Variants in CDH23 observed in about 807,000 individuals in gnomAD.
The protein encoded by CDH23 is cadherin related 23.
Under a neutral mutation model 317.1 loss-of-function variants are expected in CDH23, and 189 were observed. That is an observed-to-expected ratio of 0.60 (90% CI 0.53 to 0.67). CDH23 has a LOEUF of 0.67. Ranked by LOEUF, CDH23 falls within the 30% of genes least tolerant of loss-of-function variation. The pLI, the probability that CDH23 is intolerant of heterozygous loss-of-function variation, is 0.00. For missense variants in CDH23, 4,401 were observed against 4,592.4 expected (o/e 0.96, Z 1.20); for synonymous variants, 1,839 against 1,876.8 (o/e 0.98, Z 0.52).
At chr10:71,791,644 C>T (rs914633190) in intron 47 of CDH23, among the ~76,000 whole-genome samples, 10 of 151,422 alleles carry the variant, frequency 6.6e-5, no homozygotes, top group African/African-American at 2.2e-4. Flanking sequence ...GGCACAATCT[C>T]GGCTCACTGC....
chr10:71,425,177 G>A (rs1463887829), intron 1 of CDH23, among the ~76,000 whole-genome samples: 1 of 150,442 alleles, frequency 6.6e-6, no homozygotes, highest in Non-Finnish European at 1.5e-5. Flanking sequence ...GTGGGTGAGG[G>A]TGGAAGGGGA....
intron 11 of CDH23, among the ~76,000 whole-genome samples, chr10:71,618,094 T>G (rs1243540869): frequency 6.6e-6 from 1 of 152,216 alleles, no homozygotes; most frequent in African/African-American, 2.4e-5. Context: ...TTTGCTCCTG[T>G]TCAAATAATG....
intron 6 of CDH23, among the ~76,000 whole-genome samples, chr10:71,515,384 TCTCTCTCTCTCACACA>T (rs1854241217): frequency 1.6e-5 from 2 of 126,938 alleles, no homozygotes; most frequent in African/African-American, 7.1e-5. Flanking sequence ...TCTCTCTCTC[TCTCTCTCTCTCACACA>T]CACACACACA....
intron 2 of CDH23, among the ~76,000 whole-genome samples, chr10:71,444,257 T>C (rs72812378): frequency 1.7e-3 from 264 of 152,394 alleles, no homozygotes; most frequent in Non-Finnish European, 2.8e-3. Flanking sequence ...GCTTTATGTA[T>C]GTAATCTCAT....
intron 6 of CDH23, among the ~76,000 whole-genome samples, chr10:71,514,758 T>C (rs1332099972): frequency 6.6e-6 from 1 of 151,790 alleles, no homozygotes; most frequent in Non-Finnish European, 1.5e-5. Context: ...TTCAAGTCCA[T>C]AAAGAAAAGG....
chr10:71,669,857 C>T (rs1343173356), intron 14 of CDH23, among the ~76,000 whole-genome samples: 1 of 149,226 alleles, frequency 6.7e-6, no homozygotes, highest in Non-Finnish European at 1.5e-5. Context: ...ATTACTAGGC[C>T]GGGCAAGGTG....
chr10:71,755,460 G>C, intron 38 of CDH23: 1 of 1,610,492 alleles, frequency 6.2e-7, no homozygotes, highest in Non-Finnish European at 8.5e-7. Flanking sequence ...GGCTGCAGCC[G>C]TGATGTCTGA....
intron 14 of CDH23, among the ~76,000 whole-genome samples, chr10:71,667,144 A>C (rs1279951785): frequency 6.6e-6 from 1 of 152,216 alleles, no homozygotes; most frequent in Non-Finnish European, 1.5e-5. Flanking sequence ...GCCTTGCTTC[A>C]GAGCAGAAGC....
chr10:71,443,053 CT>C (rs1564582973), intron 2 of CDH23, among the ~76,000 whole-genome samples: 1 of 152,226 alleles, frequency 6.6e-6, no homozygotes, highest in African/African-American at 2.4e-5. Context: ...CCTGCACTCC[CT>C]GTCCAGTGCG....
rs1456251393 is a variant in CDH23, at chr10:71,716,277, A to T, written c.3369+3464A>T. 2.6e-6 allele frequency: 4 copies of T among 1,533,554 alleles called. No homozygotes were observed. The Admixed American group carries it at 6.1e-5, about 23-fold the overall frequency. The allele number at this position is 1,533,554 out of a possible 1,614,324, so 95.0% of individuals were successfully genotyped here. ...AGGGTCCCGGGAGTGACGGGAGCTG[A>T]GAGAAAGGCGAGGGGGCTGATGGCT... On this transcript the variant is annotated intron_variant, in intron 28 of 69. Coordinates refer to ENST00000224721, the MANE Select transcript of CDH23 (RefSeq NM_022124.6).
intron 34 of CDH23, among the ~76,000 whole-genome samples, chr10:71,735,372 C>G (rs572028415): frequency 2.0e-4 from 30 of 152,156 alleles, no homozygotes; most frequent in Non-Finnish European, 3.7e-4. Context: ...AGCCAGACAA[C>G]GTTCCTAGAA....
In CDH23 at chr10:71,809,923, C is replaced by T. The variant is rs760527365; in HGVS notation, c.8826C>T (p.Asp2942=). 2 of 1,613,028 alleles carry T rather than the reference C, an allele frequency of 1.2e-6. No homozygotes were observed. ...IVARDLAGHN[D]TAIIGIYILR... ...CCCGAGACCTGGCAGGCCACAACGA[C>T]ACGGCCATCATCGGCATCTACATCC... The change falls in exon 61 of 70, where the codon GAC becomes GAT. Residue 2942 remains aspartate, a synonymous_variant. Transcript: ENST00000224721.
chr10:71,500,841 T>G (rs1589140314), intron 3 of CDH23, among the ~76,000 whole-genome samples: 1 of 150,952 alleles, frequency 6.6e-6, no homozygotes, highest in East Asian at 1.9e-4. Flanking sequence ...CTTTCTTTTC[T>G]TTTCTTCCTT....
intron 32 of CDH23, 40 bp from the exon 33 acceptor site, chr10:71,734,200 T>C: frequency 6.6e-7 from 1 of 1,517,168 alleles, no homozygotes; most frequent in Non-Finnish European, 9.0e-7. Context: ...TTAACAAGGG[T>C]GCGATGTTGT....
At chr10:71,494,043 T>A (rs966936104) in intron 3 of CDH23, among the ~76,000 whole-genome samples, 8 of 152,180 alleles carry the variant, frequency 5.3e-5, no homozygotes, top group African/African-American at 1.9e-4. Context: ...TTAGTTTTCA[T>A]TTTTCGGAGA....
At chr10:71,636,204 T>C (rs142178950) in intron 11 of CDH23, among the ~76,000 whole-genome samples, 1 of 152,058 alleles carries the variant, frequency 6.6e-6, no homozygotes, top group African/African-American at 2.4e-5. Context: ...GAGTTTGGGC[T>C]GGAGTCATGG....
intron 22 of CDH23, among the ~76,000 whole-genome samples, chr10:71,700,860 G>A (rs543524545): frequency 6.6e-6 from 1 of 152,340 alleles, no homozygotes; most frequent in East Asian, 1.9e-4. Flanking sequence ...TTCTGGTCTG[G>A]TGGCCCCAGA....
chr10:71,679,326 C>A, intron 16 of CDH23, 61 bp from the exon 17 acceptor site: 2 of 894,440 alleles, frequency 2.2e-6, no homozygotes, highest in East Asian at 2.7e-5. Flanking sequence ...CAGCTGCCCA[C>A]CCTCTTCTGG....
intron 14 of CDH23, among the ~76,000 whole-genome samples, chr10:71,669,196 C>T (rs113606455): frequency 4.6e-5 from 7 of 152,268 alleles, no homozygotes; most frequent in African/African-American, 1.7e-4. Flanking sequence ...AGGCCTTCTC[C>T]AGGCCTTGGT....
Sources: allele counts gnomAD v4.1 joint callset (sites outside exome capture counted in the v4.1 genomes callset), GRCh38; gene constraint gnomAD v4.1.1; transcripts MANE v1.5; gene names NCBI Gene and HGNC (gene_info 2026-07-23, HGNC 2026-07-21).